Variants in BBX observed in about 807,000 individuals in gnomAD.
The protein encoded by BBX is BBX high mobility group box domain containing.
A neutral mutation model predicts 100.2 loss-of-function variants in BBX; 30 were observed. The observed-to-expected ratio is 0.30, with a 90% CI of 0.22 to 0.41. The LOEUF (loss-of-function observed/expected upper bound fraction) is 0.41, where lower values mean the gene tolerates loss of function less well. BBX is among the 10% of genes least tolerant of loss of function. BBX has a pLI of 1.00. For missense variants in BBX, 1,023 were observed against 1,129.8 expected (o/e 0.91, Z 1.35); for synonymous variants, 376 against 388.1 (o/e 0.97, Z 0.37).
chr3:107,724,925 T>G (rs1407999051), intron 5 of BBX, among the ~76,000 whole-genome samples: 1 of 152,186 alleles, frequency 6.6e-6, no homozygotes, highest in African/African-American at 2.4e-5. Context: ...TTTAAAGTAG[T>G]TTTTTCCAAT....
At chr3:107,740,786 C>T (rs17206667) in intron 7 of BBX, among the ~76,000 whole-genome samples, 1 of 151,730 alleles carries the variant, frequency 6.6e-6, no homozygotes, top group African/African-American at 2.4e-5. Context: ...TAGATGTTAT[C>T]TATCTTCCAC....
intron 6 of BBX, among the ~76,000 whole-genome samples, chr3:107,729,425 G>A (rs2063171889): frequency 1.3e-5 from 2 of 152,152 alleles, no homozygotes; most frequent in South Asian, 4.1e-4. Flanking sequence ...GGACCTGATA[G>A]CTGTGTCTTA....
At chr3:107,672,298 G>A (rs75674646) in intron 3 of BBX, among the ~76,000 whole-genome samples, 341 of 152,066 alleles carry the variant, frequency 2.2e-3, no homozygotes, top group Non-Finnish European at 4.3e-3. Context: ...TACAAAGTAC[G>A]TATTGAGAGG....
rs560328802 is a variant in BBX, at chr3:107,675,260, A to G, written c.-10+29351A>G. 1.8e-4 allele frequency among the ~76,000 whole-genome samples: 27 copies of G among 152,254 alleles called. 1 individual carries two copies. The South Asian group carries it at 5.6e-3, about 32-fold the overall frequency. On this transcript the variant is annotated intron_variant, in intron 3 of 17. Transcript: ENST00000325805. ...GCAAAAGATGGCAGTTTTGACGGAA[A>G]TCAGAGCTTTTCTTCTCAGATACTG...
intron 2 of BBX, among the ~76,000 whole-genome samples, chr3:107,564,305 G>A (rs1159654006): frequency 6.6e-6 from 1 of 151,980 alleles, no homozygotes; most frequent in Non-Finnish European, 1.5e-5. Flanking sequence ...ATGTATGTAT[G>A]TGTTAGACAT....
intron 2 of BBX, among the ~76,000 whole-genome samples, chr3:107,595,963 C>T (rs2053642565): frequency 6.6e-6 from 1 of 152,164 alleles, no homozygotes. Context: ...TTTAGGCACT[C>T]ATGACATACC....
intron 13 of BBX, among the ~76,000 whole-genome samples, chr3:107,783,067 A>G (rs1238522968): frequency 6.6e-6 from 1 of 152,164 alleles, no homozygotes; most frequent in Non-Finnish European, 1.5e-5. Flanking sequence ...ATGTAATAGT[A>G]AATTTCCTTA....
chr3:107,726,914 G>A (rs1157244600), intron 5 of BBX, among the ~76,000 whole-genome samples: 1 of 152,072 alleles, frequency 6.6e-6, no homozygotes, highest in Admixed American at 6.6e-5. Flanking sequence ...AAATTAGGAT[G>A]TGGTGATTAT....
chr3:107,774,986 T>G (rs2067210744), intron 12 of BBX, 129 bp downstream of exon 12: 2 of 1,077,558 alleles, frequency 1.9e-6, no homozygotes, highest in Non-Finnish European at 2.6e-6. Flanking sequence ...CCTACAATCT[T>G]AGTAGGCACC....
At chr3:107,643,201 C>T (rs895260580) in intron 2 of BBX, among the ~76,000 whole-genome samples, 1 of 152,080 alleles carries the variant, frequency 6.6e-6, no homozygotes, top group African/African-American at 2.4e-5. Flanking sequence ...AACAGCACCT[C>T]AAGGGGGAGT....
chr3:107,623,040 G>T (rs1194001338), intron 2 of BBX, among the ~76,000 whole-genome samples: 1 of 152,198 alleles, frequency 6.6e-6, no homozygotes, highest in Non-Finnish European at 1.5e-5. Context: ...CCATGCTTGT[G>T]TAGCTTGGGT....
intron 2 of BBX, among the ~76,000 whole-genome samples, chr3:107,572,792 A>T (rs1350086796): frequency 6.6e-6 from 1 of 152,212 alleles, no homozygotes; most frequent in Non-Finnish European, 1.5e-5. Flanking sequence ...AATGCAAAAC[A>T]TCCAGGAAAA....
intron 2 of BBX, among the ~76,000 whole-genome samples, chr3:107,618,646 C>T (rs549003295): frequency 6.6e-6 from 1 of 151,998 alleles, no homozygotes; most frequent in South Asian, 2.1e-4. Context: ...ACTTTTGACC[C>T]ATGGATTATC....
At chr3:107,702,500 GA>G (rs1211864791) in intron 3 of BBX, among the ~76,000 whole-genome samples, 1 of 152,080 alleles carries the variant, frequency 6.6e-6, no homozygotes. Context: ...CGCATAATAA[GA>G]AAACAGAGAA....
intron 6 of BBX, among the ~76,000 whole-genome samples, chr3:107,729,387 T>G (rs1025167621): frequency 2.0e-5 from 3 of 152,156 alleles, no homozygotes; most frequent in African/African-American, 7.2e-5. Context: ...GGCAAGAATA[T>G]GAACAAGTAC....
At chr3:107,571,711 T>C (rs755297869) in intron 2 of BBX, among the ~76,000 whole-genome samples, 9 of 152,226 alleles carry the variant, frequency 5.9e-5, no homozygotes, top group Non-Finnish European at 1.3e-4. Context: ...CGGCACCAAA[T>C]GTCACGCGAG....
chr3:107,595,005 T>C (rs1354369572), intron 2 of BBX, among the ~76,000 whole-genome samples: 3 of 152,226 alleles, frequency 2.0e-5, no homozygotes, highest in Non-Finnish European at 4.4e-5. Context: ...TAAAACACGA[T>C]GTCCCACAGG....
chr3:107,779,184 G>A (rs2067618190), intron 13 of BBX, among the ~76,000 whole-genome samples: 2 of 151,494 alleles, frequency 1.3e-5, no homozygotes, highest in Admixed American at 1.3e-4. Flanking sequence ...CAGTGACAAT[G>A]CTGCAGTCCT....
chr3:107,789,915 C>T (rs764531412), intron 14 of BBX, 39 bp downstream of exon 14: 1 of 1,444,630 alleles, frequency 6.9e-7, no homozygotes, highest in South Asian at 1.2e-5. Flanking sequence ...GGTTCTTGGT[C>T]ACCTCCATTG....
Sources: allele counts gnomAD v4.1 joint callset (sites outside exome capture counted in the v4.1 genomes callset), GRCh38; gene constraint gnomAD v4.1.1; transcripts MANE v1.5; gene names NCBI Gene and HGNC (gene_info 2026-07-23, HGNC 2026-07-21).